GRIA4: variants seen among roughly 807,000 people sequenced by gnomAD.
GRIA4 encodes glutamate receptor 4.
GRIA4 carries 34 observed loss-of-function variants against 104.0 expected under a neutral mutation model. That is an observed-to-expected ratio of 0.33 (90% CI 0.25 to 0.44). The LOEUF (loss-of-function observed/expected upper bound fraction) is 0.44. Among genes scored for constraint, GRIA4 ranks in the 20% least tolerant of loss-of-function variants. The pLI, the probability that GRIA4 is intolerant of heterozygous loss-of-function variation, is 1.00. For missense variants in GRIA4, 750 were observed against 1,096.5 expected (o/e 0.68, Z 4.46); for synonymous variants, 386 against 381.9 (o/e 1.01, Z -0.13).
intron 3 of GRIA4, among the ~76,000 whole-genome samples, chr11:105,650,415 G>C (rs1951652773): frequency 6.6e-6 from 1 of 151,928 alleles, no homozygotes; most frequent in South Asian, 2.1e-4. Context: ...AATTAGAGCA[G>C]CTCTCTGAAA....
intron 10 of GRIA4, chr11:105,912,715 T>G (rs909337122): frequency 3.1e-6 from 3 of 958,940 alleles, no homozygotes; most frequent in African/African-American, 3.5e-5. Context: ...GTTCAGTAAT[T>G]CAAAAAGACA....
intron 3 of GRIA4, 117 bp from the exon 4 acceptor site, chr11:105,752,861 ACTC>A: frequency 2.3e-6 from 2 of 881,810 alleles, no homozygotes; most frequent in Non-Finnish European, 3.6e-6. Context: ...TTTATCTTAT[ACTC>A]CTGACAGATC....
chr11:105,687,844 A>T (rs984021740), intron 3 of GRIA4, among the ~76,000 whole-genome samples: 1 of 152,210 alleles, frequency 6.6e-6, no homozygotes, highest in Non-Finnish European at 1.5e-5. Flanking sequence ...TCTAAAATGC[A>T]TTGGAATATA....
At chr11:105,719,852 T>C (rs1488086245) in intron 3 of GRIA4, among the ~76,000 whole-genome samples, 1 of 152,044 alleles carries the variant, frequency 6.6e-6, no homozygotes, top group East Asian at 1.9e-4. Context: ...GTGGTGAGTT[T>C]CCTTTTCTAT....
At chr11:105,895,531 G>C (rs187295866) in intron 6 of GRIA4, among the ~76,000 whole-genome samples, 1 of 147,354 alleles carries the variant, frequency 6.8e-6, no homozygotes, top group Non-Finnish European at 1.5e-5. Flanking sequence ...ATAGATACAT[G>C]ATAGATAATG....
Position 105,933,662 on chromosome 11 carries a change from C to T in GRIA4, c.2047-60C>T, listed in dbSNP as rs1031073428. ...ACGCTTTATTCTTATCTTGGTTCAGCGAATATTAACATGTTGTTCCCTTCT... is the reference window on the plus strand; with the variant it reads ...ACGCTTTATTCTTATCTTGGTTCAGTGAATATTAACATGTTGTTCCCTTCT... On this transcript the variant is annotated intron_variant, in intron 13 of 16. Transcript: ENST00000282499. 4 of 1,266,618 alleles carry T rather than the reference C, an allele frequency of 3.2e-6. No homozygotes were observed. In the South Asian group the frequency reaches 4.5e-5, roughly 14 times the overall value. 78.5% of individuals were successfully genotyped at this position (1,266,618 alleles called of 1,614,324 possible). A position where few individuals can be genotyped will look rare whatever the true frequency, so the allele number is the denominator to read the frequency against.
intron 4 of GRIA4, among the ~76,000 whole-genome samples, chr11:105,759,268 T>A (rs192229788): frequency 6.6e-6 from 1 of 152,182 alleles, no homozygotes; most frequent in Admixed American, 6.6e-5. Flanking sequence ...GGTGTTTGGT[T>A]AATATTTTAT....
intron 6 of GRIA4, among the ~76,000 whole-genome samples, chr11:105,893,772 A>C (rs547676422): frequency 5.3e-5 from 8 of 152,296 alleles, no homozygotes; most frequent in African/African-American, 1.7e-4. Context: ...ATTAGCAACT[A>C]ATGCAATAGT....
chr11:105,658,828 T>G (rs1951920539), intron 3 of GRIA4, among the ~76,000 whole-genome samples: 1 of 151,918 alleles, frequency 6.6e-6, no homozygotes, highest in Non-Finnish European at 1.5e-5. Context: ...AATTTTTTTC[T>G]TACATGTGAA....
intron 5 of GRIA4, among the ~76,000 whole-genome samples, chr11:105,867,109 C>T (rs1000079974): frequency 6.6e-6 from 1 of 151,938 alleles, no homozygotes; most frequent in Non-Finnish European, 1.5e-5. Context: ...GTGTGAATCT[C>T]GGATTACTGA....
At chr11:105,855,567 G>A (rs900215941) in intron 4 of GRIA4, among the ~76,000 whole-genome samples, 1 of 152,064 alleles carries the variant, frequency 6.6e-6, no homozygotes, top group Non-Finnish European at 1.5e-5. Context: ...AATTATGCTA[G>A]ATATTTATTC....
At position 105,782,983 on chromosome 11, in the gene GRIA4, T is replaced by C. The variant is rs182011874; in HGVS notation, c.487+29763T>C. ...ACACACACAAACAAAATAATAAATG[T>C]AAAGTTTTATCAATATGCAACTCAA... is the stretch of plus-strand genomic sequence containing the variant. On this transcript the variant is annotated intron_variant, in intron 4 of 16. Coordinates refer to ENST00000282499, the MANE Select transcript of GRIA4 (RefSeq NM_000829.4). Among the ~76,000 whole-genome samples the C allele has an allele frequency of 3.3e-5, 5 of 152,272 alleles. No individual in the cohort carries two copies. In the East Asian group the frequency reaches 9.6e-4, roughly 29 times the overall value.
chr11:105,627,546 A>C (rs2135295886), intron 3 of GRIA4, among the ~76,000 whole-genome samples: 1 of 152,308 alleles, frequency 6.6e-6, no homozygotes, highest in African/African-American at 2.4e-5. Context: ...TATCAAATAC[A>C]CTAAGAAGCC....
At chr11:105,839,110 G>A (rs1345166064) in intron 4 of GRIA4, among the ~76,000 whole-genome samples, 1 of 151,968 alleles carries the variant, frequency 6.6e-6, no homozygotes, top group Non-Finnish European at 1.5e-5. Context: ...CCAAGGCTGA[G>A]TTCCCTTCCT....
chr11:105,896,185 T>G (rs569901678), intron 6 of GRIA4, among the ~76,000 whole-genome samples: 1 of 152,234 alleles, frequency 6.6e-6, no homozygotes, highest in Non-Finnish European at 1.5e-5. Flanking sequence ...TTAGTGATGT[T>G]GAACATTTTT....
chr11:105,665,318 A>C (rs1822990), intron 3 of GRIA4, among the ~76,000 whole-genome samples: 2 of 152,118 alleles, frequency 1.3e-5, no homozygotes, highest in South Asian at 2.1e-4. Context: ...CCTTATGAGA[A>C]ATATACTTTT....
chr11:105,975,937 G>A (rs975712367), intron 16 of GRIA4, among the ~76,000 whole-genome samples: 2 of 151,940 alleles, frequency 1.3e-5, no homozygotes, highest in Non-Finnish European at 1.5e-5. Flanking sequence ...TTGTGAAAAA[G>A]AATTAAGAAC....
intron 14 of GRIA4, among the ~76,000 whole-genome samples, chr11:105,956,507 T>C (rs942089734): frequency 3.3e-5 from 5 of 152,316 alleles, no homozygotes; most frequent in African/African-American, 4.8e-5. Context: ...CAGTCTATCA[T>C]TGATGGACAT....
At chr11:105,926,692 C>A in intron 12 of GRIA4, 49 bp from the exon 13 acceptor site, 1 of 1,111,640 alleles carries the variant, frequency 9.0e-7, no homozygotes, top group Non-Finnish European at 1.4e-6. Context: ...TTTTCTTTCT[C>A]TATGTTGGTT....
Sources: allele counts gnomAD v4.1 joint callset (sites outside exome capture counted in the v4.1 genomes callset), GRCh38; gene constraint gnomAD v4.1.1; transcripts MANE v1.5; gene names NCBI Gene and HGNC (gene_info 2026-07-23, HGNC 2026-07-21).